Variants in UBALD2 observed in about 807,000 individuals in gnomAD.
The protein encoded by UBALD2 is UBA-like domain-containing protein 2.
In UBALD2, 8 loss-of-function variants were observed where a neutral mutation model predicts 15.9. That is an observed-to-expected ratio of 0.50 (90% CI 0.29 to 0.91). The LOEUF (loss-of-function observed/expected upper bound fraction) is 0.91. Ranked by LOEUF, UBALD2 falls within the 40% of genes least tolerant of loss-of-function variation. The pLI, the probability that UBALD2 is intolerant of heterozygous loss-of-function variation, is 0.07. For synonymous variants in UBALD2, 113 were observed against 97.7 expected (o/e 1.16, Z -0.93); for missense variants, 178 against 234.8 (o/e 0.76, Z 1.58).
In UBALD2 at chr17:76,265,411, C is replaced by CGAGCCCCG. The variant is rs2070536289; in HGVS notation, c.-85_-78dup. On this transcript the variant is annotated 5_prime_UTR_variant, in exon 1 of 3. Transcript: ENST00000327490. ...GGAGCGGCGGCAGCAGCGGTGAGCGCGAGCCCCGGAGCCCCGGGCGGCCGG... is the reference window on the plus strand; with the variant it reads ...GGAGCGGCGGCAGCAGCGGTGAGCGCGAGCCCCGGAGCCCCGGAGCCCCGGGCGGCCGG... 2.0e-6 allele frequency: 2 copies of CGAGCCCCG among 975,754 alleles called. No homozygotes were observed. The highest frequency in any genetic ancestry group is 2.4e-6 in the Non-Finnish European group (2 of 823,522). 60.4% of individuals were successfully genotyped at this position (975,754 alleles called of 1,614,324 possible). A position where few individuals can be genotyped will look rare whatever the true frequency, so the allele number is the denominator to read the frequency against.
intron 2 of UBALD2, 33 bp downstream of exon 2, chr17:76,266,002 G>A (rs1260065383): frequency 1.3e-6 from 2 of 1,548,796 alleles, no homozygotes; most frequent in Admixed American, 2.0e-5. Context: ...GCGGGCCGGG[G>A]CCGCTGTCAG....
chr17:76,266,096 C>T, intron 2 of UBALD2, 127 bp downstream of exon 2: 1 of 1,262,136 alleles, frequency 7.9e-7, no homozygotes, highest in Non-Finnish European at 1.1e-6. Flanking sequence ...GAAAGAGCGG[C>T]TCCCGGGCCG....
In UBALD2 at chr17:76,265,945, C is replaced by T. The variant is rs1443299402; in HGVS notation, c.159C>T (p.Pro53=). The T allele has an allele frequency of 1.3e-6, 2 of 1,598,952 alleles. No individual in the cohort carries two copies. Among genetic ancestry groups the T allele is most frequent in the African/African-American group, 1.3e-5 (1 of 74,552 alleles). The change falls in exon 2 of 3, where the codon CCC becomes CCT. Residue 53 remains proline, a synonymous_variant. Coordinates refer to ENST00000327490, the MANE Select transcript of UBALD2 (RefSeq NM_182565.4). ...CGTTCTTCCAAGAAACCAACATTCC[C>T]AACAGCCACCACCACCACCAGATGG... is the stretch of plus-strand genomic sequence containing the variant. ...LSTFFQETNI[P]NSHHHHQMMC... is the part of the protein sequence containing the mutation.
At position 76,270,629 on chromosome 17, in the gene UBALD2, T is replaced by C. The variant is rs898834814; in HGVS notation, c.*124T>C. On this transcript the variant is annotated 3_prime_UTR_variant, in exon 3 of 3. Transcript: ENST00000327490. ...TTTCCCGAAGATCGCACTGGAAGAT[T>C]TTATAAAAGAATTTTTGTGGGTCGG... The C allele has an allele frequency of 6.4e-5, 62 of 969,186 alleles. No homozygotes were observed. In the South Asian group the frequency reaches 1.4e-3, roughly 21 times the overall value. The allele number at this position is 969,186 out of a possible 1,614,324, so 60.0% of individuals were successfully genotyped here.
rs745658755 is a variant in UBALD2, at chr17:76,270,178, G to A, written c.184-16G>A. On this transcript the variant is annotated splice_polypyrimidine_tract_variant and intron_variant, in intron 2 of 2. Transcript: ENST00000327490. ...CCCCCGAGGCAGCCTCCCCACACCC[G>A]TGTTCTCTCCCGCAGATGTGCACTC... is the stretch of plus-strand genomic sequence containing the variant. The A allele has an allele frequency of 2.5e-5, 40 of 1,610,002 alleles. No individual in the cohort carries two copies. The highest frequency in any genetic ancestry group is 9.9e-5 in the South Asian group (9 of 90,946).
intron 2 of UBALD2, among the ~76,000 whole-genome samples, chr17:76,266,329 G>T (rs1475425026): frequency 6.6e-6 from 1 of 152,164 alleles, no homozygotes; most frequent in Non-Finnish European, 1.5e-5. Flanking sequence ...TGGGAAGCCC[G>T]CGCGAAGGGC....
chr17:76,266,649 G>A (rs1340862398), intron 2 of UBALD2, among the ~76,000 whole-genome samples: 1 of 152,174 alleles, frequency 6.6e-6, no homozygotes, highest in African/African-American at 2.4e-5. Context: ...AGCACACAGA[G>A]AAGTGGTCCG....
rs925975413 is a variant in UBALD2 at position 76,268,756 on chromosome 17, C to T, written c.184-1438C>T. Among the ~76,000 whole-genome samples the T allele has an allele frequency of 1.3e-3, 162 of 123,248 alleles. 1 individual carries two copies. The highest frequency in any genetic ancestry group is 6.3e-4 in the Non-Finnish European group (39 of 62,364). The allele number at this position is 123,248 out of a possible 152,430, so 80.9% of individuals were successfully genotyped here. On this transcript the variant is annotated intron_variant, in intron 2 of 2. Coordinates refer to ENST00000327490, the MANE Select transcript of UBALD2 (RefSeq NM_182565.4). ...GTTTTTTTTTTTTTTTTTTTTGAGA[C>T]GGAGTTTTGCTCTGCCACCTAGGCT...
rs2070578990 is a variant in UBALD2, at chr17:76,270,472, G to A, written c.462G>A (p.Gln154=). 3 of 1,474,874 alleles carry A rather than the reference G, an allele frequency of 2.0e-6. No individual in the cohort carries two copies. Among genetic ancestry groups the A allele is most frequent in the Non-Finnish European group, 9.0e-7 (1 of 1,115,970 alleles). 91.4% of individuals were successfully genotyped at this position (1,474,874 alleles called of 1,614,324 possible). A position where few individuals can be genotyped will look rare whatever the true frequency, so the allele number is the denominator to read the frequency against. The stretch of plus-strand genomic sequence containing the variant: ...GAGCACAGCAGGGGGGCGCCCAGCA[G>A]AAAGCCATGGCGGCCATGGACGGCC... ...PPGAQQGGAQ[Q]KAMAAMDGQR The change falls in exon 3 of 3, where the codon CAG becomes CAA. Residue 154 remains glutamine (Q), a synonymous_variant. Coordinates refer to ENST00000327490, the MANE Select transcript of UBALD2 (RefSeq NM_182565.4).
At position 76,270,526 on chromosome 17, in the gene UBALD2, T is replaced by C; in HGVS notation, c.*21T>C. 1 of 1,434,466 alleles carries C rather than the reference T, an allele frequency of 7.0e-7. No individual in the cohort carries two copies. Among genetic ancestry groups the C allele is most frequent in the Non-Finnish European group, 9.1e-7 (1 of 1,098,774 alleles). The allele number at this position is 1,434,466 out of a possible 1,614,324, so 88.9% of individuals were successfully genotyped here. On this transcript the variant is annotated 3_prime_UTR_variant, in exon 3 of 3. Coordinates refer to ENST00000327490, the MANE Select transcript of UBALD2 (RefSeq NM_182565.4). ...GATGAGACTGGACGCCGCCGGGCGCTGGGCTGGAGCTGGGGGCAGCCCAGG... is the reference window on the plus strand; with the variant it reads ...GATGAGACTGGACGCCGCCGGGCGCCGGGCTGGAGCTGGGGGCAGCCCAGG...
rs1379691812 is a variant in UBALD2 at position 76,270,578 on chromosome 17, AG to A, written c.*79del. The A allele has an allele frequency of 9.0e-7, 1 of 1,113,052 alleles. No individual in the cohort carries two copies. Among genetic ancestry groups the A allele is most frequent in the East Asian group, 3.1e-5 (1 of 32,512 alleles). 68.9% of individuals were successfully genotyped at this position (1,113,052 alleles called of 1,614,324 possible). A position where few individuals can be genotyped will look rare whatever the true frequency, so the allele number is the denominator to read the frequency against. On this transcript the variant is annotated 3_prime_UTR_variant, in exon 3 of 3. Transcript: ENST00000327490. ...TTGTGGGGACACAGGAGGGCCAGGG[AG>A]GGGGGAGCCGGGGAGGGCAGGGGGT...
rs929238855 is a variant in UBALD2 at position 76,269,470 on chromosome 17, A to C, written c.184-724A>C. Among the ~76,000 whole-genome samples, 15 of 142,164 alleles carry C rather than the reference A, an allele frequency of 1.1e-4. No homozygotes were observed. The highest frequency in any genetic ancestry group is 2.1e-4 in the Non-Finnish European group (14 of 66,162). The allele number at this position is 142,164 out of a possible 152,430, so 93.3% of individuals were successfully genotyped here. On this transcript the variant is annotated intron_variant, in intron 2 of 2. Coordinates refer to ENST00000327490, the MANE Select transcript of UBALD2 (RefSeq NM_182565.4). The surrounding 1 kb of genome is among the most constrained non-coding windows in gnomAD (Gnocchi z 4.6). ...GGGCCCAGATATAAAGGGGCTCTTG[A>C]CTCTGTGCAGCGTGGCCCAGTAGAT...
chr17:76,267,490 CTTTTTT>C (rs55819046), intron 2 of UBALD2, among the ~76,000 whole-genome samples: 29 of 115,096 alleles, frequency 2.5e-4, no homozygotes, highest in Middle Eastern at 4.1e-3. Flanking sequence ...TTCATGGTTT[CTTTTTT>C]TTTTTTTTTT....
At chr17:76,266,907 C>T (rs891764866) in intron 2 of UBALD2, among the ~76,000 whole-genome samples, 3 of 152,128 alleles carry the variant, frequency 2.0e-5, no homozygotes, top group African/African-American at 7.2e-5. Context: ...GTGCCCTTGC[C>T]TTTGGCTCTC....
At chr17:76,268,363 G>C (rs2070559891) in intron 2 of UBALD2, among the ~76,000 whole-genome samples, 1 of 152,246 alleles carries the variant, frequency 6.6e-6, no homozygotes, top group African/African-American at 2.4e-5. Context: ...GCGGCTGTTT[G>C]AGGAGACAGG....
At position 76,270,595 on chromosome 17, in the gene UBALD2, G is replaced by A; in HGVS notation, c.*90G>A. The A allele has an allele frequency of 8.3e-7, 1 of 1,199,860 alleles. No homozygotes were observed. Among genetic ancestry groups the A allele is most frequent in the Non-Finnish European group, 1.1e-6 (1 of 912,404 alleles). 74.3% of individuals were successfully genotyped at this position (1,199,860 alleles called of 1,614,324 possible). A position where few individuals can be genotyped will look rare whatever the true frequency, so the allele number is the denominator to read the frequency against. ...GGCCAGGGAGGGGGGAGCCGGGGAG[G>A]GCAGGGGGTTTCCCGAAGATCGCAC... On this transcript the variant is annotated 3_prime_UTR_variant, in exon 3 of 3. Coordinates refer to ENST00000327490, the MANE Select transcript of UBALD2 (RefSeq NM_182565.4).
chr17:76,265,588 C>T lies in UBALD2; in HGVS notation c.83C>T (p.Ala28Val), dbSNP rs746204635. Residue 28 changes from alanine (A) to valine (V), a missense_variant, in exon 1 of 3, where the codon GCG becomes GTG. Ala to Val is a moderately conservative substitution (Grantham distance 64). Transcript: ENST00000327490. ...VLAAGCAADQ[A>V]KQLLQAAHWQ... ...GCCGCGGGCTGCGCGGCCGACCAGG[C>T]GAAGCAGTTGCTGCAGGCGGCCCAC... The T allele has an allele frequency of 7.5e-7, 1 of 1,336,386 alleles. No homozygotes were observed. The allele number at this position is 1,336,386 out of a possible 1,614,324, so 82.8% of individuals were successfully genotyped here.
In UBALD2 at chr17:76,265,495, C is replaced by G. The variant is rs1213871707; in HGVS notation, c.-11C>G. 3 of 1,188,898 alleles carry G rather than the reference C, an allele frequency of 2.5e-6. No individual in the cohort carries two copies. Among genetic ancestry groups the G allele is most frequent in the East Asian group, 6.1e-5 (1 of 16,266 alleles). The allele number at this position is 1,188,898 out of a possible 1,614,324, so 73.6% of individuals were successfully genotyped here. Reference sequence around the variant, plus strand: ...CGGCCGGAGACGCCGGGCCCCGCGCCGCGCCGCGCCATGTCGGTGAACATG... The same window carrying G: ...CGGCCGGAGACGCCGGGCCCCGCGCGGCGCCGCGCCATGTCGGTGAACATG... On this transcript the variant is annotated 5_prime_UTR_variant, in exon 1 of 3. Coordinates refer to ENST00000327490, the MANE Select transcript of UBALD2 (RefSeq NM_182565.4).
chr17:76,269,985 G>A lies in UBALD2; in HGVS notation c.184-209G>A, dbSNP rs570086923. Among the ~76,000 whole-genome samples the A allele has an allele frequency of 3.3e-5, 5 of 152,178 alleles. No individual in the cohort carries two copies. Among genetic ancestry groups the A allele is most frequent in the Admixed American group, 6.5e-5 (1 of 15,280 alleles). The stretch of plus-strand genomic sequence containing the variant: ...TCATTTCCAGGCCTCATGAAACCCC[G>A]TTGGTTTTGATAAGGTTCTTGGGTT... On this transcript the variant is annotated intron_variant, in intron 2 of 2. Transcript: ENST00000327490. This position sits in a 1 kb window ranked among gnomAD's most constrained non-coding sequence, Gnocchi z 4.6.
Sources: gnomAD v4.1 joint callset for allele counts (sites outside exome capture counted in the v4.1 genomes callset) on GRCh38, gnomAD v4.1.1 for gene constraint, Gnocchi (gnomAD v3.1) non-coding constraint, MANE v1.5 for transcripts, NCBI Gene and HGNC (gene_info 2026-07-23, HGNC 2026-07-21) for gene names.